BCL2: variants seen among roughly 807,000 people sequenced by gnomAD.
The protein encoded by BCL2 is BCL2 apoptosis regulator, also known as apoptosis regulator Bcl-2.
A neutral mutation model predicts 14.2 loss-of-function variants in BCL2; 1 was observed. The ratio of observed to expected loss-of-function variants is 0.07; its 90% CI spans 0.02 to 0.33. BCL2 has a LOEUF of 0.33. Among genes scored for constraint, BCL2 ranks in the 10% least tolerant of loss-of-function variants. BCL2 has a pLI of 0.99. For synonymous variants in BCL2, 151 were observed against 137.2 expected (o/e 1.10, Z -0.70); for missense variants, 247 against 305.9 (o/e 0.81, Z 1.44).
intron 2 of BCL2, among the ~76,000 whole-genome samples, chr18:63,252,695 C>T (rs191441016): frequency 1.6e-4 from 25 of 152,308 alleles, no homozygotes; most frequent in South Asian, 4.1e-4. Flanking sequence ...CACCATCCAC[C>T]GTGATTGTGA....
intron 2 of BCL2, among the ~76,000 whole-genome samples, chr18:63,273,531 T>A (rs1402741566): frequency 1.3e-5 from 2 of 152,146 alleles, no homozygotes; most frequent in Non-Finnish European, 2.9e-5. Context: ...TAAAAGCCTA[T>A]GCTTTAAAAA....
At position 63,149,070 on chromosome 18, in the gene BCL2, G is replaced by A. The variant is rs776161248; in HGVS notation, c.586-20311C>T. Reference sequence around the variant, plus strand: ...TCATAAGTGTGCATGGAGCAGCGACGTGCTTATGCTGACACCTCTGTCTCT... The same window carrying A: ...TCATAAGTGTGCATGGAGCAGCGACATGCTTATGCTGACACCTCTGTCTCT... On this transcript the variant is annotated intron_variant, in intron 2 of 2. Coordinates refer to ENST00000333681, the MANE Select transcript of BCL2 (RefSeq NM_000633.3). This position sits in a 1 kb window ranked among gnomAD's most constrained non-coding sequence, Gnocchi z 4.2. Among the ~76,000 whole-genome samples the A allele has an allele frequency of 1.3e-5, 2 of 152,202 alleles. No homozygotes were observed. Among genetic ancestry groups the A allele is most frequent in the Non-Finnish European group, 2.9e-5 (2 of 68,036 alleles).
chr18:63,167,753 C>T (rs1915079564), intron 2 of BCL2, among the ~76,000 whole-genome samples: 1 of 152,074 alleles, frequency 6.6e-6, no homozygotes, highest in Non-Finnish European at 1.5e-5. Flanking sequence ...TGGTGAAACC[C>T]TGTCTCTACT....
chr18:63,148,986 C>T lies in BCL2; in HGVS notation c.586-20227G>A, dbSNP rs189870901. ...TATCCTGCCTTTCCACTCAATCACG[C>T]GGCCTCCCTAAATGTAGCTATGACT... On this transcript the variant is annotated intron_variant, in intron 2 of 2. Transcript: ENST00000333681. 2.7e-3 allele frequency among the ~76,000 whole-genome samples: 405 copies of T among 152,298 alleles called. 2 individuals carry two copies. The highest frequency in any genetic ancestry group is 4.3e-3 in the Non-Finnish European group (292 of 68,032).
chr18:63,213,824 G>A (rs755947743), intron 2 of BCL2, among the ~76,000 whole-genome samples: 2 of 152,130 alleles, frequency 1.3e-5, no homozygotes, highest in Non-Finnish European at 2.9e-5. Flanking sequence ...GGGCTGGTCA[G>A]AGTTCTCTCG....
At chr18:63,302,797 T>C (rs1294654732) in intron 2 of BCL2, 7 of 985,216 alleles carry the variant, frequency 7.1e-6, no homozygotes, top group Non-Finnish European at 8.4e-6. Context: ...GAAAGTAGTT[T>C]CCTGGCCCAT....
At chr18:63,174,820 C>CAAAA (rs953107518) in intron 2 of BCL2, among the ~76,000 whole-genome samples, 44 of 72,236 alleles carry the variant, frequency 6.1e-4, no homozygotes, top group African/African-American at 1.8e-3. Flanking sequence ...GACTTTGTCT[C>CAAAA]AAAAAAAAAA....
At position 63,127,094 on chromosome 18, in the gene BCL2, T is replaced by A; in HGVS notation, c.*1531A>T. 4.4e-6 allele frequency: 1 copy of A among 229,054 alleles called. No homozygotes were observed. The highest frequency in any genetic ancestry group is 8.7e-6 in the Non-Finnish European group (1 of 115,398). 14.2% of individuals were successfully genotyped at this position (229,054 alleles called of 1,614,324 possible). ...CCCCATATTCCACACCTGGAACTTT[T>A]TTTTTGTCAGGTTTTCAAATAAAAC... On this transcript the variant is annotated 3_prime_UTR_variant, in exon 3 of 3. Transcript: ENST00000333681.
At chr18:63,302,272 G>T (rs1230747882) in intron 2 of BCL2, 15 of 924,670 alleles carry the variant, frequency 1.6e-5, no homozygotes, top group Non-Finnish European at 1.9e-5. Flanking sequence ...CTGCACTCCA[G>T]CCTGGGCAAC....
rs867634102 is a variant in BCL2, at chr18:63,128,156, C to A, written c.*469G>T. ...AATGCAAGTGAATGAACACCTTCTCCCCAGCCTCCAGCAGCCAGAAAGCCA... is the reference window on the plus strand; with the variant it reads ...AATGCAAGTGAATGAACACCTTCTCACCAGCCTCCAGCAGCCAGAAAGCCA... On this transcript the variant is annotated 3_prime_UTR_variant, in exon 3 of 3. Transcript: ENST00000333681. 3.0e-5 allele frequency: 7 copies of A among 232,098 alleles called. No individual in the cohort carries two copies. Among genetic ancestry groups the A allele is most frequent in the Middle Eastern group, 1.3e-3 (1 of 796 alleles). The allele number at this position is 232,098 out of a possible 1,614,324, so 14.4% of individuals were successfully genotyped here. A position where few individuals can be genotyped will look rare whatever the true frequency, so the allele number is the denominator to read the frequency against.
intron 2 of BCL2, among the ~76,000 whole-genome samples, chr18:63,158,622 CT>C (rs1914843219): frequency 6.6e-6 from 1 of 152,214 alleles, no homozygotes. Flanking sequence ...TCTAAGTCAT[CT>C]TCAATAAGGT....
At chr18:63,154,481 G>T (rs72941380) in intron 2 of BCL2, among the ~76,000 whole-genome samples, 8,578 of 152,152 alleles carry the variant, frequency 0.056, 357 homozygotes, top group Middle Eastern at 0.088. Context: ...CCTGACCCAC[G>T]CTTCCAGACT....
intron 2 of BCL2, among the ~76,000 whole-genome samples, chr18:63,205,893 G>A (rs1197435362): frequency 1.3e-5 from 2 of 152,184 alleles, no homozygotes; most frequent in Admixed American, 6.5e-5. Context: ...CTCAAGCCAC[G>A]GTGGAGAGGT....
At chr18:63,138,596 G>C (rs1914272403) in intron 2 of BCL2, among the ~76,000 whole-genome samples, 2 of 152,266 alleles carry the variant, frequency 1.3e-5, no homozygotes, top group South Asian at 4.1e-4. Flanking sequence ...CCTTCCTCCA[G>C]GCTGGCGAAG....
At chr18:63,216,610 T>C (rs1910212156) in intron 2 of BCL2, among the ~76,000 whole-genome samples, 1 of 152,150 alleles carries the variant, frequency 6.6e-6, no homozygotes, top group South Asian at 2.1e-4. Context: ...CAGCTACATC[T>C]TGGAACCCAT....
At chr18:63,236,780 C>A (rs1224336483) in intron 2 of BCL2, among the ~76,000 whole-genome samples, 1 of 152,166 alleles carries the variant, frequency 6.6e-6, no homozygotes, top group East Asian at 1.9e-4. Context: ...AGCACCCTAT[C>A]TAAATTAAGA....
intron 2 of BCL2, among the ~76,000 whole-genome samples, chr18:63,132,747 G>A (rs1914101912): frequency 6.6e-6 from 1 of 152,168 alleles, no homozygotes; most frequent in Non-Finnish European, 1.5e-5. Flanking sequence ...TGATTGGGGC[G>A]ATTTCCGAAG....
At chr18:63,237,463 A>G (rs927401237) in intron 2 of BCL2, among the ~76,000 whole-genome samples, 8 of 152,220 alleles carry the variant, frequency 5.3e-5, no homozygotes, top group Middle Eastern at 3.2e-3. Flanking sequence ...AGTCCTGGCT[A>G]GAGACAGACG....
rs1166613823 is a variant in BCL2 at position 63,293,912 on chromosome 18, TA to T, written c.585+24169del. On this transcript the variant is annotated intron_variant, in intron 2 of 2. Transcript: ENST00000333681. ...CAACAGTTCAGCTTTAAATCTTTTT[TA>T]GGAAGCAGCTGGCTACCAGAGATCT... 2.0e-5 allele frequency among the ~76,000 whole-genome samples: 3 copies of T among 151,918 alleles called. No individual in the cohort carries two copies. The East Asian group carries it at 5.8e-4, about 30-fold the overall frequency.
Sources: gnomAD v4.1 joint callset for allele counts (sites outside exome capture counted in the v4.1 genomes callset) on GRCh38, gnomAD v4.1.1 for gene constraint, Gnocchi (gnomAD v3.1) non-coding constraint, MANE v1.5 for transcripts, NCBI Gene and HGNC (gene_info 2026-07-23, HGNC 2026-07-21) for gene names.